Variants in SIRT2 observed in about 807,000 individuals in gnomAD.
SIRT2 encodes NAD-dependent protein deacetylase sirtuin-2.
In SIRT2, 40 loss-of-function variants were observed where a neutral mutation model predicts 57.4. That is an observed-to-expected ratio of 0.70 (90% CI 0.54 to 0.91). The LOEUF (loss-of-function observed/expected upper bound fraction) is 0.91, where lower values mean the gene tolerates loss of function less well. Among genes scored for constraint, SIRT2 ranks in the 40% least tolerant of loss-of-function variants. SIRT2 has a pLI of 0.00. For synonymous variants in SIRT2, 161 were observed against 195.7 expected, an observed-to-expected ratio of 0.82 and a Z score of 1.48; for missense variants, 439 against 510.4, an observed-to-expected ratio of 0.86 and a Z score of 1.35.
intron 4 of SIRT2, among the ~76,000 whole-genome samples, chr19:38,890,362 C>T (rs536329249): frequency 6.6e-6 from 1 of 152,308 alleles, no homozygotes; most frequent in East Asian, 1.9e-4. Context: ...AGAAGTCACA[C>T]AATCAACTGC....
At chr19:38,891,758 A>G in intron 4 of SIRT2, 1 of 406,228 alleles carries the variant, frequency 2.5e-6, no homozygotes, top group Non-Finnish European at 5.2e-6. Context: ...ATTTTTCATT[A>G]CTATCTCCTC....
At position 38,893,466 on chromosome 19, in the gene SIRT2, C is replaced by T; in HGVS notation, c.174G>A (p.Leu58=). Residue 58 remains leucine (L), a synonymous_variant, in exon 4 of 16, where the codon CTG becomes CTA. Coordinates refer to ENST00000249396, the MANE Select transcript of SIRT2 (RefSeq NM_012237.4). ...TLSLGSQKER[L]LDELTLEGVA... ...CCCCTTCCAAGGTCAGCTCGTCCAG[C>T]AGACGCTCCTTCTGGCTGCCCAGGC... 6.2e-7 allele frequency: 1 copy of T among 1,614,060 alleles called. No homozygotes were observed. The highest frequency in any genetic ancestry group is 8.5e-7 in the Non-Finnish European group (1 of 1,179,980).
In SIRT2 at chr19:38,889,865, C is replaced by T. The variant is rs201156500; in HGVS notation, c.365G>A (p.Ser122Asn). Residue 122 changes from serine to asparagine, a missense_variant, in exon 6 of 16, where the codon AGC becomes AAC. Transcript: ENST00000249396. ...LPYPEAIFEI[S>N]YFKKHPEPFF... ...TGGGGGAGCACAAACCTTGAAATAG[C>T]TGATCTCAAAGATGGCCTCTGGGTA... is the stretch of plus-strand genomic sequence containing the variant. The T allele has an allele frequency of 5.6e-6, 9 of 1,613,994 alleles. No individual in the cohort carries two copies. The highest frequency in any genetic ancestry group is 7.6e-6 in the Non-Finnish European group (9 of 1,179,852).
rs765920385 is a variant in SIRT2, at chr19:38,889,707, G to A, written c.414C>T (p.Leu138=). ...ATCTCACCTTGAACTGCCCAGGATA[G>A]AGTTCCTTGGCGAGGGCGAAGAAGG... ...PEPFFALAKE[L]YPGQFKPTIC... Residue 138 remains leucine (L), a synonymous_variant, in exon 7 of 16, where the codon CTC becomes CTT. Coordinates refer to ENST00000249396, the MANE Select transcript of SIRT2 (RefSeq NM_012237.4). The A allele has an allele frequency of 1.2e-6, 2 of 1,614,044 alleles. No homozygotes were observed. The highest frequency in any genetic ancestry group is 2.7e-5 in the African/African-American group (2 of 74,914).
chr19:38,880,891 G>A lies in SIRT2; in HGVS notation c.754C>T (p.Leu252=), dbSNP rs755831873. 45 of 1,613,502 alleles carry A rather than the reference G, an allele frequency of 2.8e-5. No homozygotes were observed. Among genetic ancestry groups the A allele is most frequent in the East Asian group, 8.9e-5 (4 of 44,890 alleles). The change falls in exon 12 of 16, where the codon CTG becomes TTG. Residue 252 remains leucine (L), a synonymous_variant. Transcript: ENST00000249396. This position sits in a 1 kb window ranked among gnomAD's most constrained non-coding sequence, Gnocchi z 4.1. The stretch of plus-strand genomic sequence containing the variant: ...ATGACCAGGAGGAGGTCCACCTTCA[G>A]GAAGTCCTGCGGGGAGGGGCGTGAG... The part of the protein sequence containing the change: ...RFFSCMQSDF[L]KVDLLLVMGT...
At chr19:38,897,280 G>A (rs1973746279) in intron 2 of SIRT2, among the ~76,000 whole-genome samples, 1 of 152,094 alleles carries the variant, frequency 6.6e-6, no homozygotes, top group African/African-American at 2.4e-5. Flanking sequence ...ACCCAATTAT[G>A]GAACACATCA....
intron 4 of SIRT2, among the ~76,000 whole-genome samples, chr19:38,891,499 T>C (rs371190588): frequency 6.6e-6 from 1 of 151,956 alleles, no homozygotes; most frequent in Non-Finnish European, 1.5e-5. Flanking sequence ...CAGTGAGCCA[T>C]GATAGCGCCA....
intron 2 of SIRT2, among the ~76,000 whole-genome samples, chr19:38,896,389 A>T (rs906511340): frequency 5.9e-5 from 9 of 152,190 alleles, no homozygotes; most frequent in Non-Finnish European, 5.9e-5. Context: ...TTAAAAAATA[A>T]TTTTTTAAAA....
chr19:38,879,242 G>A lies in SIRT2; in HGVS notation c.1083C>T (p.Pro361=). 1 of 1,604,246 alleles carries A rather than the reference G, an allele frequency of 6.2e-7. No homozygotes were observed. ...TGGGGGAAGCTGAAGTGCTGGGGTT[G>A]GGGACCCCCGCCCCCGACTGGGCAT... The part of the protein sequence containing the change: ...SIDAQSGAGV[P]NPSTSASPKK... Residue 361 remains proline (P), a synonymous_variant, in exon 16 of 16, where the codon CCC becomes CCT. Transcript: ENST00000249396.
chr19:38,899,308 A>C (rs1973847746), intron 1 of SIRT2, among the ~76,000 whole-genome samples, 198 bp downstream of exon 1: 1 of 152,140 alleles, frequency 6.6e-6, no homozygotes. Flanking sequence ...GGATGTGGTA[A>C]ACGAACCCTG....
At chr19:38,896,616 C>T (rs1330526363) in intron 2 of SIRT2, among the ~76,000 whole-genome samples, 1 of 152,198 alleles carries the variant, frequency 6.6e-6, no homozygotes, top group Non-Finnish European at 1.5e-5. Context: ...TCCAGTTTTG[C>T]CCTGTGACGG....
chr19:38,883,886 G>GA (rs1396061752), intron 8 of SIRT2, 130 bp from the exon 9 acceptor site: 1 of 907,068 alleles, frequency 1.1e-6, no homozygotes, highest in Non-Finnish European at 1.7e-6. Flanking sequence ...GGAGGGAGGA[G>GA]AAGCAAGTGG....
Position 38,879,036 on chromosome 19 carries a change from A to C in SIRT2, c.*119T>G. The C allele has an allele frequency of 2.2e-5, 24 of 1,110,246 alleles. No individual in the cohort carries two copies. Among genetic ancestry groups the C allele is most frequent in the Non-Finnish European group, 2.8e-5 (22 of 797,482 alleles). 68.8% of individuals were successfully genotyped at this position (1,110,246 alleles called of 1,614,324 possible). A position where few individuals can be genotyped will look rare whatever the true frequency, so the allele number is the denominator to read the frequency against. ...CCCCAGTTTTGGGGAGGGAGCTGTA[A>C]GAGATTGGGGGATGTTCTGAGCTCC... On this transcript the variant is annotated 3_prime_UTR_variant, in exon 16 of 16. Transcript: ENST00000249396.
At chr19:38,889,439 T>G in intron 7 of SIRT2, 4 of 668,222 alleles carry the variant, frequency 6.0e-6, no homozygotes, top group Non-Finnish European at 1.1e-5. Context: ...ACGGCATCAT[T>G]AGTCAGCTAA....
intron 2 of SIRT2, among the ~76,000 whole-genome samples, chr19:38,896,121 A>G (rs182787782): frequency 3.9e-5 from 6 of 152,170 alleles, no homozygotes; most frequent in African/African-American, 1.4e-4. Context: ...AGAGAGAGAG[A>G]CAGAGAGAAA....
intron 8 of SIRT2, among the ~76,000 whole-genome samples, chr19:38,885,993 C>T (rs556412334): frequency 6.6e-6 from 1 of 152,142 alleles, no homozygotes; most frequent in Non-Finnish European, 1.5e-5. Flanking sequence ...ACAACCACCC[C>T]CTTTGGAGCA....
chr19:38,889,456 C>T (rs953518551), intron 7 of SIRT2: 3 of 662,616 alleles, frequency 4.5e-6, no homozygotes, highest in East Asian at 2.7e-5. Context: ...CTAAGCCTCG[C>T]AGCAGCCCTC....
At chr19:38,884,172 C>T (rs1217524575) in intron 8 of SIRT2, among the ~76,000 whole-genome samples, 1 of 151,310 alleles carries the variant, frequency 6.6e-6, no homozygotes, top group Non-Finnish European at 1.5e-5. Context: ...CCCACAGCCA[C>T]TCCACAGCCT....
At chr19:38,893,983 CG>C (rs1319987990) in intron 2 of SIRT2, 116 bp from the exon 3 acceptor site, 6 of 1,558,550 alleles carry the variant, frequency 3.8e-6, no homozygotes, top group Non-Finnish European at 5.2e-6. Context: ...TGAGGAAGTG[CG>C]GGGTGGTGGA....
Sources: allele counts gnomAD v4.1 joint callset (sites outside exome capture counted in the v4.1 genomes callset), GRCh38; gene constraint gnomAD v4.1.1; non-coding constraint Gnocchi (gnomAD v3.1); transcripts MANE v1.5; gene names NCBI Gene and HGNC (gene_info 2026-07-23, HGNC 2026-07-21).